The following TNFAIP3 variants were observed in gnomAD, a reference collection of about 807,000 sequenced individuals.
The protein encoded by TNFAIP3 is tumor necrosis factor alpha-induced protein 3.
TNFAIP3 carries 9 observed loss-of-function variants against 72.4 expected under a neutral mutation model. That is an observed-to-expected ratio of 0.12 (90% CI 0.07 to 0.22). The LOEUF (loss-of-function observed/expected upper bound fraction) is 0.22. Ranked by LOEUF, TNFAIP3 falls within the 10% of genes least tolerant of loss-of-function variation. The probability of loss-of-function intolerance (pLI) is 1.00; values close to 1 mark genes in which losing one functional copy is unlikely to be tolerated. For synonymous variants in TNFAIP3, 339 were observed against 372.6 expected (o/e 0.91, Z 1.04); for missense variants, 833 against 1,018.7 (o/e 0.82, Z 2.48).
In TNFAIP3 at chr6:137,878,455, A is replaced by G; in HGVS notation, c.1010A>G (p.Lys337Arg). Residue 337 changes from lysine (K) to arginine (R), a missense_variant, in exon 7 of 9, where the codon AAA becomes AGA. Physicochemically the swap from Lys to Arg is conservative, Grantham distance 26. Coordinates refer to ENST00000612899, the MANE Select transcript of TNFAIP3 (RefSeq NM_001270508.2). ...AAKLDEANLP[K>R]EINLVDDYFE... Reference sequence around the variant, plus strand: ...AGGTTGGATGAAGCTAACTTACCAAAAGAAATCAATCTGGTAGATGATTAC... The same window carrying G: ...AGGTTGGATGAAGCTAACTTACCAAGAGAAATCAATCTGGTAGATGATTAC... The G allele has an allele frequency of 1.2e-6, 2 of 1,608,644 alleles. No homozygotes were observed. The highest frequency in any genetic ancestry group is 4.5e-5 in the East Asian group (2 of 44,740).
chr6:137,874,936 G>A lies in TNFAIP3; in HGVS notation c.387G>A (p.Thr129=), dbSNP rs531220369. 18 of 1,614,244 alleles carry A rather than the reference G, an allele frequency of 1.1e-5. No homozygotes were observed. Among genetic ancestry groups the A allele is most frequent in the Admixed American group, 3.3e-5 (2 of 60,028 alleles). The change falls in exon 3 of 9, where the codon ACG becomes ACA. Residue 129 remains threonine (T), a synonymous_variant. Coordinates refer to ENST00000612899, the MANE Select transcript of TNFAIP3 (RefSeq NM_001270508.2). ...TACTGAGGAAGGCGCTGTTCAGCACGCTCAAGGAAACAGACACACGCAACT... is the reference window on the plus strand; with the variant it reads ...TACTGAGGAAGGCGCTGTTCAGCACACTCAAGGAAACAGACACACGCAACT... The part of the protein sequence containing the change: ...DLVLRKALFS[T]LKETDTRNFK...
chr6:137,879,889 CA>C (rs1776389385), intron 7 of TNFAIP3, among the ~76,000 whole-genome samples, 181 bp from the exon 8 acceptor site: 1 of 152,126 alleles, frequency 6.6e-6, no homozygotes, highest in African/African-American at 2.4e-5. Flanking sequence ...AAGATGTTTC[CA>C]TAATAGGGAT....
At chr6:137,877,915 T>C (rs928354802) in intron 6 of TNFAIP3, among the ~76,000 whole-genome samples, 1 of 150,390 alleles carries the variant, frequency 6.6e-6, no homozygotes, top group Non-Finnish European at 1.5e-5. Flanking sequence ...ACAAGCGCCT[T>C]TGAGTGTGTC....
Position 137,881,007 on chromosome 6 carries a change from T to C in TNFAIP3, c.2089-28T>C. The stretch of plus-strand genomic sequence containing the variant: ...TGTGAGCAATAGTTTCCTGACTTTT[T>C]AATGATCTGCCTGTTCTTTCCACTC... On this transcript the variant is annotated intron_variant, in intron 8 of 8. Coordinates refer to ENST00000612899, the MANE Select transcript of TNFAIP3 (RefSeq NM_001270508.2). This position sits in a 1 kb window ranked among gnomAD's most constrained non-coding sequence, Gnocchi z 5.0. The C allele has an allele frequency of 6.4e-7, 1 of 1,556,238 alleles. No homozygotes were observed. Among genetic ancestry groups the C allele is most frequent in the South Asian group, 1.2e-5 (1 of 83,342 alleles).
chr6:137,883,037 C>CT lies in TNFAIP3; in HGVS notation c.*1721dup. ...CCCCCTAAGTTTTTCCCAGACGAAT[C>CT]TTTATAATTTCTTTCCAAAGATACC... On this transcript the variant is annotated 3_prime_UTR_variant, in exon 9 of 9. Transcript: ENST00000612899. 1 of 218,574 alleles carries CT rather than the reference C, an allele frequency of 4.6e-6. No homozygotes were observed. The highest frequency in any genetic ancestry group is 9.2e-6 in the Non-Finnish European group (1 of 109,202). The allele number at this position is 218,574 out of a possible 1,614,324, so 13.5% of individuals were successfully genotyped here. A position where few individuals can be genotyped will look rare whatever the true frequency, so the allele number is the denominator to read the frequency against.
chr6:137,874,357 T>A (rs1776160253), intron 2 of TNFAIP3, among the ~76,000 whole-genome samples: 1 of 152,194 alleles, frequency 6.6e-6, no homozygotes, highest in East Asian at 1.9e-4. Flanking sequence ...AGCCAGACCA[T>A]CCCTATCTAG....
intron 2 of TNFAIP3, among the ~76,000 whole-genome samples, 157 bp from the exon 3 acceptor site, chr6:137,874,688 G>A (rs1199697254): frequency 1.3e-5 from 2 of 152,176 alleles, no homozygotes; most frequent in Non-Finnish European, 2.9e-5. Context: ...TCATCATCTT[G>A]TGAAATATCA....
chr6:137,866,613 C>T (rs1454772906), upstream of TNFAIP3: 2 of 152,402 alleles, frequency 1.3e-5, no homozygotes, highest in Non-Finnish European at 2.9e-5. Context: ...TCGGGTGTCC[C>T]CTGGGACCTA....
chr6:137,875,901 G>A, intron 4 of TNFAIP3, 66 bp downstream of exon 4: 1 of 1,605,188 alleles, frequency 6.2e-7, no homozygotes, highest in Non-Finnish European at 8.5e-7. Flanking sequence ...GGCTCCTGGA[G>A]AAAACCACAC....
chr6:137,869,609 T>A (rs942808894), intron 1 of TNFAIP3, among the ~76,000 whole-genome samples: 7 of 152,086 alleles, frequency 4.6e-5, no homozygotes, highest in African/African-American at 1.4e-4. Flanking sequence ...AGAAAACTCC[T>A]CAGGAGAAAC....
intron 5 of TNFAIP3, 94 bp from the exon 6 acceptor site, chr6:137,876,982 T>TTA: frequency 9.8e-7 from 1 of 1,025,298 alleles, no homozygotes; most frequent in Non-Finnish European, 1.4e-6. Flanking sequence ...ATTCTGTAAG[T>TTA]TATATCTTTT....
Position 137,871,026 on chromosome 6 carries a change from A to G in TNFAIP3, c.-15-187A>G, listed in dbSNP as rs1366542698. 3.3e-5 allele frequency among the ~76,000 whole-genome samples: 5 copies of G among 152,202 alleles called. No homozygotes were observed. Among genetic ancestry groups the G allele is most frequent in the African/African-American group, 1.2e-4 (5 of 41,440 alleles). ...TAATCTTTTAAAGTGATGTAACTTA[A>G]AACAGTCCAGTGTGAGTTAATCTCT... On this transcript the variant is annotated intron_variant, in intron 1 of 8. Coordinates refer to ENST00000612899, the MANE Select transcript of TNFAIP3 (RefSeq NM_001270508.2). This position sits in a 1 kb window ranked among gnomAD's most constrained non-coding sequence, Gnocchi z 4.2.
At chr6:137,869,619 C>T (rs1775988746) in intron 1 of TNFAIP3, among the ~76,000 whole-genome samples, 1 of 152,140 alleles carries the variant, frequency 6.6e-6, no homozygotes, top group South Asian at 2.1e-4. Context: ...TCAGGAGAAA[C>T]CATGGGTCAT....
chr6:137,878,762 G>A lies in TNFAIP3; in HGVS notation c.1317G>A (p.Arg439=). The A allele has an allele frequency of 1.9e-6, 3 of 1,614,104 alleles. No individual in the cohort carries two copies. The highest frequency in any genetic ancestry group is 2.5e-6 in the Non-Finnish European group (3 of 1,180,024). ...CTGGCATGGCGCTCGGGGCCTCTCG[G>A]GGAGAAGCCTATGAGCCCTTGGCGT... The part of the protein sequence containing the change: ...GLPGMALGAS[R]GEAYEPLAWN... The change falls in exon 7 of 9, where the codon CGG becomes CGA. Residue 439 remains arginine, a synonymous_variant. Transcript: ENST00000612899.
At position 137,871,577 on chromosome 6, in the gene TNFAIP3, G is replaced by T; in HGVS notation, c.295+55G>T. 1 of 1,574,284 alleles carries T rather than the reference G, an allele frequency of 6.4e-7. No homozygotes were observed. The highest frequency in any genetic ancestry group is 1.2e-5 in the South Asian group (1 of 85,868). ...CCTGGGTGATAGCTCCCGCCTGCTG[G>T]ATCCCCATTCATGAAGCTTTAATAG... is the stretch of plus-strand genomic sequence containing the variant. On this transcript the variant is annotated intron_variant, in intron 2 of 8. Transcript: ENST00000612899. The surrounding 1 kb of genome is among the most constrained non-coding windows in gnomAD (Gnocchi z 4.2).
At position 137,879,087 on chromosome 6, in the gene TNFAIP3, T is replaced by A; in HGVS notation, c.1642T>A (p.Ser548Thr). ...TCFKRTTAEASSSLSTSLPPS... is the reference protein window; with the variant it reads ...TCFKRTTAEATSSLSTSLPPS... ...CTTCAAAAGGACTACAGCAGAGGCC[T>A]CCTCCAGCCTCAGCACCAGCCTCCC... is the stretch of plus-strand genomic sequence containing the variant. The change falls in exon 7 of 9, where the codon TCC becomes ACC. Residue 548 changes from serine to threonine, a missense_variant. Physicochemically the swap from Ser to Thr is moderately conservative, Grantham distance 58. This residue lies in a region of TNFAIP3 where 587 missense variants were observed against 657.8 expected (regional missense o/e 0.89). Transcript: ENST00000612899. 6.2e-7 allele frequency: 1 copy of A among 1,614,154 alleles called. No individual in the cohort carries two copies. The highest frequency in any genetic ancestry group is 8.5e-7 in the Non-Finnish European group (1 of 1,180,008).
chr6:137,882,864 A>G lies in TNFAIP3; in HGVS notation c.*1545A>G, dbSNP rs145896014. The G allele has an allele frequency of 2.6e-3, 588 of 228,546 alleles. 4 individuals carry two copies. The highest frequency in any genetic ancestry group is 0.012 in the African/African-American group (560 of 44,968). The allele number at this position is 228,546 out of a possible 1,614,324, so 14.2% of individuals were successfully genotyped here. On this transcript the variant is annotated 3_prime_UTR_variant, in exon 9 of 9. Transcript: ENST00000612899. ...GTGGTTGCTGTCATATTTGCTCTAG[A>G]AGAAAAAAAAAAAAGGAGGGGAAAT...
At position 137,879,231 on chromosome 6, in the gene TNFAIP3, C is replaced by G. The variant is rs536079833; in HGVS notation, c.1786C>G (p.Arg596Gly). 1 of 1,614,202 alleles carries G rather than the reference C, an allele frequency of 6.2e-7. No homozygotes were observed. Among genetic ancestry groups the G allele is most frequent in the Admixed American group, 1.7e-5 (1 of 60,028 alleles). The change falls in exon 7 of 9, where the codon CGG (arginine) becomes GGG (glycine). Residue 596 changes from arginine (R) to glycine (G), a missense_variant. Coordinates refer to ENST00000612899, the MANE Select transcript of TNFAIP3 (RefSeq NM_001270508.2). Reference sequence around the variant, plus strand: ...TGCTGGCTGCCTGTCTCAAGCTGCACGGACTCCTGGGGACAGGACGGGGAC... The same window carrying G: ...TGCTGGCTGCCTGTCTCAAGCTGCAGGGACTCCTGGGGACAGGACGGGGAC... The part of the protein sequence containing the change: ...APAGCLSQAA[R>G]TPGDRTGTSK...
chr6:137,879,968 G>T, intron 7 of TNFAIP3, 103 bp from the exon 8 acceptor site: 1 of 896,024 alleles, frequency 1.1e-6, no homozygotes, highest in East Asian at 2.5e-5. Context: ...ATTTAAGGCT[G>T]GCCTAATCTG....
Sources: allele counts gnomAD v4.1 joint callset (sites outside exome capture counted in the v4.1 genomes callset), GRCh38; gene constraint gnomAD v4.1.1; regional missense constraint gnomAD v4.1.1; non-coding constraint Gnocchi (gnomAD v3.1); transcripts MANE v1.5; gene names NCBI Gene and HGNC (gene_info 2026-07-23, HGNC 2026-07-21).